CES5A: variants seen among roughly 807,000 people sequenced by gnomAD.
CES5A encodes the protein carboxylesterase 5.
A neutral mutation model predicts 62.9 loss-of-function variants in CES5A; 67 were observed. The ratio of observed to expected loss-of-function variants is 1.07; its 90% confidence interval spans 0.88 to 1.31. CES5A has a LOEUF of 1.31. Among genes scored for constraint, CES5A ranks in the 50% most tolerant of loss-of-function variants. CES5A has a pLI of 0.00. For synonymous variants in CES5A, 296 were observed against 280.8 expected, an observed-to-expected ratio of 1.05 and a Z score of -0.54; for missense variants, 748 against 708.5, an observed-to-expected ratio of 1.06 and a Z score of -0.63.
intron 1 of CES5A, among the ~76,000 whole-genome samples, chr16:55,897,903 A>G (rs1350652894): frequency 6.6e-6 from 1 of 152,248 alleles, no homozygotes; most frequent in African/African-American, 2.4e-5. Flanking sequence ...AAAAAGAATG[A>G]ACTGCTACTT....
chr16:55,929,150 C>T (rs190496969), upstream of CES5A, among the ~76,000 whole-genome samples: 557 of 152,272 alleles, frequency 3.7e-3, 6 homozygotes, highest in African/African-American at 0.012. Flanking sequence ...GAGCGGGTCA[C>T]GTGGGCAATA....
chr16:55,926,041 A>T (rs757742811), upstream of CES5A, among the ~76,000 whole-genome samples: 1 of 152,100 alleles, frequency 6.6e-6, no homozygotes, highest in Non-Finnish European at 1.5e-5. Context: ...AAGAAATAAG[A>T]CCTAGTGTTT....
chr16:55,878,167 G>C (rs1308060306), upstream of CES5A, among the ~76,000 whole-genome samples: 1 of 152,100 alleles, frequency 6.6e-6, no homozygotes, highest in Non-Finnish European at 1.5e-5. Flanking sequence ...AGGGCTAAGG[G>C]CTTGTTCTTT....
rs759095086 is a variant in CES5A, at chr16:55,875,160, G to T, written c.62C>A (p.Ala21Asp). Reference protein sequence around the residue: ...ILIWAIWVLAAPTKGPSAEGP... With the variant: ...ILIWAIWVLADPTKGPSAEGP... ...ATTGGATATCTCACCTTTGGTGGGG[G>T]CTGCAAGGACCCAGATAGCCCAAAT... is the stretch of plus-strand genomic sequence containing the variant. The change falls in exon 1 of 13, where the codon GCC becomes GAC. Residue 21 changes from alanine (A) to aspartate (D), a missense_variant. Transcript: ENST00000290567. 6.2e-7 allele frequency: 1 copy of T among 1,614,068 alleles called. No homozygotes were observed. The highest frequency in any genetic ancestry group is 2.2e-5 in the East Asian group (1 of 44,882).
Position 55,902,520 on chromosome 16 carries a change from GTGGGAGAGGAGACCACT to G in CES5A, c.-256+22786_-256+22802del, listed in dbSNP as rs549987708. Among the ~76,000 whole-genome samples the G allele has an allele frequency of 5.0e-3, 766 of 152,306 alleles. 6 individuals are homozygous for G. Among genetic ancestry groups the G allele is most frequent in the African/African-American group, 0.017 (723 of 41,566 alleles). ...CTAAGGACCTGCCCGTGGGAGGGAT[GTGGGAGAGGAGACCACT>G]TTGGATTCTTCTCCATGTCCTGACC... On this transcript the variant is annotated intron_variant, in intron 1 of 12. Coordinates refer to the CES5A transcript ENST00000518005.
intron 1 of CES5A, among the ~76,000 whole-genome samples, chr16:55,901,206 C>A (rs578117573): frequency 6.6e-6 from 1 of 152,212 alleles, no homozygotes. Flanking sequence ...CCTGCACACT[C>A]TCTCACCTGC....
intron 1 of CES5A, among the ~76,000 whole-genome samples, chr16:55,886,370 A>T (rs1266452194): frequency 6.6e-6 from 1 of 152,232 alleles, no homozygotes; most frequent in Non-Finnish European, 1.5e-5. Context: ...AAGAATCATG[A>T]GGATTCATCT....
intron 1 of CES5A, among the ~76,000 whole-genome samples, chr16:55,917,464 G>C (rs193264751): frequency 6.6e-6 from 1 of 152,304 alleles, no homozygotes; most frequent in Non-Finnish European, 1.5e-5. Flanking sequence ...GGGAAACTTT[G>C]CTTCCAAACT....
intron 2 of CES5A, among the ~76,000 whole-genome samples, chr16:55,872,388 T>C (rs1363201408): frequency 6.6e-6 from 1 of 152,206 alleles, no homozygotes; most frequent in Non-Finnish European, 1.5e-5. Flanking sequence ...AGTTCTACCA[T>C]ACCTCTTCTT....
chr16:55,921,636 G>GAAAAA (rs1187326389), intron 1 of CES5A, among the ~76,000 whole-genome samples: 1 of 61,918 alleles, frequency 1.6e-5, no homozygotes, highest in African/African-American at 4.6e-5. Context: ...CAATCTGAAA[G>GAAAAA]AAAAAAAAAA....
intron 4 of CES5A, among the ~76,000 whole-genome samples, chr16:55,867,182 T>G (rs1291323044): frequency 1.3e-5 from 2 of 152,204 alleles, no homozygotes; most frequent in African/African-American, 4.8e-5. Flanking sequence ...CAGCAGCAGC[T>G]CATGCCAGCT....
Position 55,846,516 on chromosome 16 carries a change from T to C in CES5A, c.1663A>G (p.Ser555Gly), listed in dbSNP as rs1448969712. The C allele has an allele frequency of 6.2e-7, 1 of 1,614,106 alleles. No individual in the cohort carries two copies. The highest frequency in any genetic ancestry group is 1.7e-5 in the Admixed American group (1 of 60,032). ...LILSASDMLH[S>G]PLSSLTFLSL... ...AGGAAAGTTAAGGAAGAAAGAGGAC[T>C]GTGGAGCATGTCGGAGGCAGACAGG... is the stretch of plus-strand genomic sequence containing the variant. Residue 555 changes from serine to glycine, a missense_variant, in exon 13 of 13, where the codon AGT becomes GGT. Ser to Gly is a moderately conservative substitution (Grantham distance 56). Transcript: ENST00000290567.
intron 6 of CES5A, 109 bp downstream of exon 6, chr16:55,863,239 C>A: frequency 2.8e-6 from 2 of 722,674 alleles, no homozygotes; most frequent in South Asian, 1.6e-5. Context: ...GCATGAGGTG[C>A]CTTGGGCATG....
At chr16:55,907,174 T>C (rs1373654352) in intron 1 of CES5A, among the ~76,000 whole-genome samples, 3 of 152,220 alleles carry the variant, frequency 2.0e-5, no homozygotes, top group African/African-American at 2.4e-5. Context: ...TCAGGTGCTA[T>C]GGGAAGGAAT....
At chr16:55,922,172 G>C (rs892156725) in intron 1 of CES5A, among the ~76,000 whole-genome samples, 2 of 151,940 alleles carry the variant, frequency 1.3e-5, no homozygotes, top group African/African-American at 4.8e-5. Context: ...AATGTCAATA[G>C]TAAGCCCTTA....
At chr16:55,937,340 G>C (rs1373246048) in intron 2 of CES5A, among the ~76,000 whole-genome samples, 1 of 152,166 alleles carries the variant, frequency 6.6e-6, no homozygotes, top group African/African-American at 2.4e-5. Flanking sequence ...GGAGGGCAGG[G>C]ACAGATTGTG....
chr16:55,884,070 C>T (rs1447936152), intron 1 of CES5A, among the ~76,000 whole-genome samples: 1 of 152,186 alleles, frequency 6.6e-6, no homozygotes, highest in Non-Finnish European at 1.5e-5. Flanking sequence ...AACCATACAT[C>T]CCTTCGGAAA....
At chr16:55,883,517 C>T (rs571090363) in intron 1 of CES5A, among the ~76,000 whole-genome samples, 1 of 152,302 alleles carries the variant, frequency 6.6e-6, no homozygotes, top group East Asian at 1.9e-4. Flanking sequence ...TCATGATCCT[C>T]CCATCTCGGC....
intron 4 of CES5A, chr16:55,869,357 A>G (rs1256733303): frequency 4.4e-6 from 2 of 456,480 alleles, no homozygotes; most frequent in Non-Finnish European, 6.9e-6. Flanking sequence ...CTGGTTGACC[A>G]TGAGGAAGAA....
Sources: gnomAD v4.1 joint callset for allele counts (sites outside exome capture counted in the v4.1 genomes callset) on GRCh38, gnomAD v4.1.1 for gene constraint, MANE v1.5 for transcripts, NCBI Gene and HGNC (gene_info 2026-07-23, HGNC 2026-07-21) for gene names.